ZFHX3: variants seen among roughly 807,000 people sequenced by gnomAD.
ZFHX3 encodes the protein zinc finger homeobox protein 3.
A neutral mutation model predicts 279.1 loss-of-function variants in ZFHX3; 42 were observed. That is an observed-to-expected ratio of 0.15 (90% CI 0.12 to 0.19). ZFHX3 has a LOEUF of 0.19. Among genes scored for constraint, ZFHX3 ranks in the 10% least tolerant of loss-of-function variants. The pLI, the probability that ZFHX3 is intolerant of heterozygous loss-of-function variation, is 1.00. For synonymous variants in ZFHX3, 2,293 were observed against 1,957.8 expected (o/e 1.17, Z -4.52); for missense variants, 4,981 against 4,754.0 (o/e 1.05, Z -1.40).
intron 4 of ZFHX3, among the ~76,000 whole-genome samples, chr16:73,314,089 AC>A (rs2015390675): frequency 6.6e-6 from 1 of 152,024 alleles, no homozygotes; most frequent in Admixed American, 6.6e-5. Context: ...ACAGAGAGAG[AC>A]CCTGTCTCAA....
chr16:73,238,714 A>G (rs2013028809), intron 5 of ZFHX3, among the ~76,000 whole-genome samples: 1 of 151,960 alleles, frequency 6.6e-6, no homozygotes, highest in Admixed American at 6.6e-5. Flanking sequence ...GCTGTTCATG[A>G]CCTGTGTGCT....
Position 73,625,211 on chromosome 16 carries a change from G to A in ZFHX3, c.-1547+54969C>T, listed in dbSNP as rs562553733. On this transcript the variant is annotated intron_variant, in intron 2 of 17. Transcript: ENST00000641206. The stretch of plus-strand genomic sequence containing the variant: ...TGCACCATTTGGGTTTGTAAATTAC[G>A]CATGCAAAGTCTGCTAAATTTTTAG... 2.4e-3 allele frequency among the ~76,000 whole-genome samples: 366 copies of A among 152,252 alleles called. 1 individual carries two copies. The highest frequency in any genetic ancestry group is 8.1e-3 in the African/African-American group (337 of 41,558).
At chr16:72,873,272 A>C (rs2038211950) in intron 4 of ZFHX3, among the ~76,000 whole-genome samples, 1 of 152,242 alleles carries the variant, frequency 6.6e-6, no homozygotes. Flanking sequence ...GCAAAGCTCA[A>C]CATGCCCTAA....
At chr16:73,079,443 T>G (rs1228173561) in intron 8 of ZFHX3, among the ~76,000 whole-genome samples, 2 of 152,102 alleles carry the variant, frequency 1.3e-5, no homozygotes, top group Non-Finnish European at 2.9e-5. Flanking sequence ...GAGAATCACT[T>G]GAACCCAGGA....
intron 1 of ZFHX3, among the ~76,000 whole-genome samples, chr16:73,780,188 C>T (rs1959416423): frequency 8.7e-6 from 1 of 114,366 alleles, no homozygotes; most frequent in Admixed American, 1.3e-4. Flanking sequence ...ATCCCCCAAG[C>T]TGGGGTGCAG....
At chr16:72,931,041 T>A (rs1362999212) in intron 3 of ZFHX3, among the ~76,000 whole-genome samples, 1 of 152,232 alleles carries the variant, frequency 6.6e-6, no homozygotes, top group Non-Finnish European at 1.5e-5. Flanking sequence ...TTTCATTTCA[T>A]AGGTGAAAGT....
chr16:73,352,882 C>A (rs528003804), intron 3 of ZFHX3, among the ~76,000 whole-genome samples: 1 of 152,322 alleles, frequency 6.6e-6, no homozygotes, highest in South Asian at 2.1e-4. Flanking sequence ...ATCAGCCGTG[C>A]TATCCAGCCT....
chr16:73,781,120 G>C (rs897683378), intron 1 of ZFHX3, among the ~76,000 whole-genome samples: 2 of 152,192 alleles, frequency 1.3e-5, no homozygotes, highest in Non-Finnish European at 2.9e-5. Context: ...TCTCAAGGAA[G>C]TCGGAGTGTT....
At chr16:73,510,150 C>T (rs999928683) in intron 2 of ZFHX3, among the ~76,000 whole-genome samples, 2 of 152,296 alleles carry the variant, frequency 1.3e-5, no homozygotes, top group East Asian at 1.9e-4. Flanking sequence ...GAAGACACCC[C>T]TGATCAGCAA....
chr16:73,786,006 G>T (rs536953471), intron 1 of ZFHX3, among the ~76,000 whole-genome samples: 15 of 152,150 alleles, frequency 9.9e-5, no homozygotes, highest in Admixed American at 5.9e-4. Flanking sequence ...GAGTAGGTGG[G>T]ATTACAGGCA....
At chr16:73,884,437 A>G (rs1311930848) in intron 1 of ZFHX3, among the ~76,000 whole-genome samples, 1 of 152,198 alleles carries the variant, frequency 6.6e-6, no homozygotes, top group Non-Finnish European at 1.5e-5. Flanking sequence ...CCCAAATCTT[A>G]CAGGAGTGTG....
At chr16:73,846,668 A>T (rs576890488) in intron 1 of ZFHX3, among the ~76,000 whole-genome samples, 1 of 152,314 alleles carries the variant, frequency 6.6e-6, no homozygotes, top group South Asian at 2.1e-4. Flanking sequence ...CTTGCTACTT[A>T]CTTGTGCATG....
chr16:73,511,367 A>G (rs2019426080), intron 2 of ZFHX3, among the ~76,000 whole-genome samples: 2 of 152,124 alleles, frequency 1.3e-5, no homozygotes, highest in South Asian at 4.2e-4. Flanking sequence ...TTCTAGGGAA[A>G]TCTAGGCCAA....
At chr16:73,043,667 T>C (rs1965196249) in intron 1 of ZFHX3, among the ~76,000 whole-genome samples, 1 of 152,208 alleles carries the variant, frequency 6.6e-6, no homozygotes, top group South Asian at 2.1e-4. Context: ...ACCAGAAACA[T>C]TCCAGTCGTT....
intron 3 of ZFHX3, among the ~76,000 whole-genome samples, chr16:73,441,465 C>CCAAT (rs1165778157): frequency 4.6e-5 from 7 of 152,136 alleles, no homozygotes; most frequent in African/African-American, 1.4e-4. Context: ...ATCCAGCCAA[C>CCAAT]CAATCAATCA....
At chr16:73,055,076 C>A (rs1965519920) in intron 1 of ZFHX3, among the ~76,000 whole-genome samples, 1 of 148,036 alleles carries the variant, frequency 6.8e-6, no homozygotes, top group African/African-American at 2.5e-5. Context: ...ATGTGGGATT[C>A]TTTTCCTTGT....
rs1043880568 is a variant in ZFHX3 at position 72,950,381 on chromosome 16, C to T, written c.3216+88G>A. 3.0e-5 allele frequency: 47 copies of T among 1,546,682 alleles called. 1 individual carries two copies. In the South Asian group the frequency reaches 4.3e-4, roughly 14 times the overall value. On this transcript the variant is annotated intron_variant, in intron 3 of 9. Coordinates refer to ENST00000268489, the MANE Select transcript of ZFHX3 (RefSeq NM_006885.4). ...CAAGCAGGCCATGCCAGAGACTGTC[C>T]GACTCCTCCCCAGTGCTCCCTAACT...
At chr16:73,869,222 A>G (rs1316608682) in intron 1 of ZFHX3, among the ~76,000 whole-genome samples, 1 of 152,214 alleles carries the variant, frequency 6.6e-6, no homozygotes, top group Admixed American at 6.5e-5. Flanking sequence ...AGAGCAACCT[A>G]CAGGGTGTTT....
intron 6 of ZFHX3, among the ~76,000 whole-genome samples, chr16:73,132,302 G>A (rs1378509112): frequency 6.6e-6 from 1 of 152,114 alleles, no homozygotes; most frequent in Non-Finnish European, 1.5e-5. Context: ...AGAGTGGAGA[G>A]GGGATGCACT....
Sources: gnomAD v4.1 joint callset for allele counts (sites outside exome capture counted in the v4.1 genomes callset) on GRCh38, gnomAD v4.1.1 for gene constraint, MANE v1.5 for transcripts, NCBI Gene and HGNC (gene_info 2026-07-23, HGNC 2026-07-21) for gene names.